Variants in PCDHGA2 observed in about 807,000 individuals in gnomAD.
PCDHGA2 encodes protocadherin gamma subfamily A, 2, also known as protocadherin gamma-A2.
PCDHGA2 carries 40 observed loss-of-function variants against 59.2 expected under a neutral mutation model. The observed-to-expected ratio is 0.68, with a 90% CI of 0.52 to 0.88. PCDHGA2 has a LOEUF of 0.88. PCDHGA2 is among the 40% of genes least tolerant of loss of function. PCDHGA2 has a pLI of 0.00. For synonymous variants in PCDHGA2, 560 were observed against 526.0 expected (o/e 1.06, Z -0.89); for missense variants, 1,226 against 1,204.0 (o/e 1.02, Z -0.27).
chr5:141,410,826 G>T, intron 1 of PCDHGA2: 4 of 379,152 alleles, frequency 1.1e-5, no homozygotes, highest in Non-Finnish European at 9.0e-6. Flanking sequence ...AATGTCACCA[G>T]ACTGAAGATA....
rs537985555 is a variant in PCDHGA2 at position 141,449,278 on chromosome 5, C to A, written c.2425-45529C>A. On this transcript the variant is annotated intron_variant, in intron 1 of 3. Coordinates refer to ENST00000394576, the MANE Select transcript of PCDHGA2 (RefSeq NM_018915.4). ...TGTACAAAGAACTGTATCTCCTTCA[C>A]CCGGATGCACCGGGTGAATTATATG... Among the ~76,000 whole-genome samples the A allele has an allele frequency of 4.6e-5, 7 of 152,166 alleles. No homozygotes were observed. In the South Asian group the frequency reaches 1.5e-3, roughly 32 times the overall value.
rs182297545 is a variant in PCDHGA2 at position 141,400,627 on chromosome 5, G to A, written c.2424+59232G>A. ...AAGTCCAATGAGTTGTCTTAGGGAA[G>A]TCAGAGCTGCTCAGAAAGCTGTCCT... On this transcript the variant is annotated intron_variant, in intron 1 of 3. Transcript: ENST00000394576. 46 of 1,441,658 alleles carry A rather than the reference G, an allele frequency of 3.2e-5. 1 individual carries two copies. In the East Asian group the frequency reaches 8.4e-4, roughly 26 times the overall value. 89.3% of individuals were successfully genotyped at this position (1,441,658 alleles called of 1,614,324 possible). A position where few individuals can be genotyped will look rare whatever the true frequency, so the allele number is the denominator to read the frequency against.
intron 1 of PCDHGA2, chr5:141,356,661 CACTT>C: frequency 6.2e-7 from 1 of 1,614,052 alleles, no homozygotes; most frequent in African/African-American, 1.3e-5. Context: ...ATGCCCGAAT[CACTT>C]ACTCCCTGGC....
rs992592523 is a variant in PCDHGA2 at position 141,432,710 on chromosome 5, C to T, written c.2425-62097C>T. ...CGTAGTGGCCGTCCAGGACCACGGC[C>T]AGCCCCCTCTCTCCGCCACTGTCAC... On this transcript the variant is annotated intron_variant, in intron 1 of 3. Coordinates refer to ENST00000394576, the MANE Select transcript of PCDHGA2 (RefSeq NM_018915.4). This position sits in a 1 kb window ranked among gnomAD's most constrained non-coding sequence, Gnocchi z 6.0. The T allele has an allele frequency of 6.2e-7, 1 of 1,613,884 alleles. No homozygotes were observed.
At position 141,485,561 on chromosome 5, in the gene PCDHGA2, GCCC is replaced by G; in HGVS notation, c.2425-9242_2425-9240del. ...AGAGATCGTAGATGTGAATGATCAC[GCCC>G]CCCGTTTTCCGCGGCAGCAGCTGGA... On this transcript the variant is annotated intron_variant, in intron 1 of 3. Transcript: ENST00000394576. This position sits in a 1 kb window ranked among gnomAD's most constrained non-coding sequence, Gnocchi z 5.7. 1 of 1,613,008 alleles carries G rather than the reference GCCC, an allele frequency of 6.2e-7. No homozygotes were observed.
chr5:141,482,099 A>AG (rs1423781570), intron 1 of PCDHGA2, among the ~76,000 whole-genome samples: 1 of 151,852 alleles, frequency 6.6e-6, no homozygotes, highest in African/African-American at 2.4e-5. Flanking sequence ...CAAAAAAAAA[A>AG]AAAAAATATC....
chr5:141,372,613 TC>T, intron 1 of PCDHGA2: 1 of 1,614,018 alleles, frequency 6.2e-7, no homozygotes, highest in Non-Finnish European at 8.5e-7. Context: ...CCTGGAGTTC[TC>T]CCCACCTACA....
chr5:141,490,941 A>G lies in PCDHGA2; in HGVS notation c.2425-3866A>G. The G allele has an allele frequency of 6.2e-7, 1 of 1,613,628 alleles. No homozygotes were observed. The highest frequency in any genetic ancestry group is 8.5e-7 in the Non-Finnish European group (1 of 1,179,772). On this transcript the variant is annotated intron_variant, in intron 1 of 3. Coordinates refer to ENST00000394576, the MANE Select transcript of PCDHGA2 (RefSeq NM_018915.4). The surrounding 1 kb of genome is among the most constrained non-coding windows in gnomAD (Gnocchi z 5.4). ...ATAATGCCCCAGCTGTGCTGCACCC[A>G]CGGCCAGACTGGGAACACTCAGCCC... is the stretch of plus-strand genomic sequence containing the variant.
intron 1 of PCDHGA2, chr5:141,388,796 A>G: frequency 6.2e-7 from 1 of 1,613,952 alleles, no homozygotes; most frequent in Non-Finnish European, 8.5e-7. Flanking sequence ...TTTTAAATAC[A>G]TTAGATTTTG....
chr5:141,371,712 C>T (rs1403380623), intron 1 of PCDHGA2: 1 of 1,614,078 alleles, frequency 6.2e-7, no homozygotes, highest in Admixed American at 1.7e-5. Context: ...GACCATCACT[C>T]TGCACATCCT....
chr5:141,432,793 C>T lies in PCDHGA2; in HGVS notation c.2425-62014C>T. 6.2e-7 allele frequency: 1 copy of T among 1,614,150 alleles called. No individual in the cohort carries two copies. Among genetic ancestry groups the T allele is most frequent in the Admixed American group, 1.7e-5 (1 of 60,032 alleles). ...AAGTCCTGGCGGACCTCGGCAGCCT[C>T]GAGTCTCCAGCTAACTCTGAAACCT... On this transcript the variant is annotated intron_variant, in intron 1 of 3. Transcript: ENST00000394576. The surrounding 1 kb of genome is among the most constrained non-coding windows in gnomAD (Gnocchi z 6.0).
chr5:141,371,233 C>T lies in PCDHGA2; in HGVS notation c.2424+29838C>T, dbSNP rs773899616. 4 of 1,613,864 alleles carry T rather than the reference C, an allele frequency of 2.5e-6. No individual in the cohort carries two copies. The Admixed American group carries it at 5.0e-5, about 20-fold the overall frequency. ...GGCATCAATGCCGAAATCATCTATG[C>T]CTTCATCAATATTGGCAAGGAAGTG... On this transcript the variant is annotated intron_variant, in intron 1 of 3. Transcript: ENST00000394576.
chr5:141,385,066 C>T, intron 1 of PCDHGA2: 2 of 1,614,194 alleles, frequency 1.2e-6, no homozygotes, highest in South Asian at 1.1e-5. Context: ...GCACAAGTCA[C>T]GCCTGCTGCA....
rs752401867 is a variant in PCDHGA2, at chr5:141,511,224, G to A, written c.*51G>A. On this transcript the variant is annotated 3_prime_UTR_variant, in exon 4 of 4. Transcript: ENST00000394576. ...GGGCGGCCTCTCCCCAACCAGCCCA[G>A]CTTCTCCTTACCTGCACCCAGGCCT... 1.2e-6 allele frequency: 2 copies of A among 1,603,276 alleles called. No homozygotes were observed.
intron 1 of PCDHGA2, among the ~76,000 whole-genome samples, chr5:141,347,081 T>G (rs2149742994): frequency 6.7e-6 from 1 of 149,908 alleles, no homozygotes; most frequent in South Asian, 2.1e-4. Context: ...CTCTCTCTCT[T>G]TCCTCCTTCC....
intron 1 of PCDHGA2, chr5:141,360,199 T>C (rs377198093): frequency 4.8e-5 from 77 of 1,612,536 alleles, no homozygotes; most frequent in Non-Finnish European, 6.4e-5. Context: ...GCCCTTCCTG[T>C]TGTCTTTGTT....
At chr5:141,438,607 T>C (rs924136790) in intron 1 of PCDHGA2, among the ~76,000 whole-genome samples, 2 of 27,412 alleles carry the variant, frequency 7.3e-5, no homozygotes. Flanking sequence ...TATATATATA[T>C]ATATATATAT....
At chr5:141,500,699 A>G (rs780869966) in intron 2 of PCDHGA2, among the ~76,000 whole-genome samples, 1 of 152,156 alleles carries the variant, frequency 6.6e-6, no homozygotes, top group Non-Finnish European at 1.5e-5. Context: ...TCTTCTTTGC[A>G]GTGTATCATG....
Position 141,423,275 on chromosome 5 carries a change from C to T in PCDHGA2, c.2425-71532C>T. 1.2e-6 allele frequency: 2 copies of T among 1,614,012 alleles called. No homozygotes were observed. The highest frequency in any genetic ancestry group is 1.7e-6 in the Non-Finnish European group (2 of 1,179,970). ...GACCTCGGCAGCCTCGAGTCTCTGGCTAACTCTGAAACCTCAGACCTCTCG... is the reference window on the plus strand; with the variant it reads ...GACCTCGGCAGCCTCGAGTCTCTGGTTAACTCTGAAACCTCAGACCTCTCG... On this transcript the variant is annotated intron_variant, in intron 1 of 3. Transcript: ENST00000394576.
Sources: allele counts gnomAD v4.1 joint callset (sites outside exome capture counted in the v4.1 genomes callset), GRCh38; gene constraint gnomAD v4.1.1; non-coding constraint Gnocchi (gnomAD v3.1); transcripts MANE v1.5; gene names NCBI Gene and HGNC (gene_info 2026-07-23, HGNC 2026-07-21).